Variants in ITSN2 observed in about 807,000 individuals in gnomAD.
ITSN2 encodes the protein intersectin 2, also known as intersectin-2.
In ITSN2, 156 loss-of-function variants were observed where a neutral mutation model predicts 243.7. That is an observed-to-expected ratio of 0.64 (90% confidence interval 0.56 to 0.73). The LOEUF (loss-of-function observed/expected upper bound fraction) is 0.73. ITSN2 is among the 30% of genes least tolerant of loss of function. ITSN2 has a pLI of 0.00. For synonymous variants in ITSN2, 703 were observed against 699.9 expected, an observed-to-expected ratio of 1.00 and a Z score of -0.07; for missense variants, 1,801 against 1,996.1, an observed-to-expected ratio of 0.90 and a Z score of 1.86.
At chr2:24,350,874 T>C (rs1379958992) in intron 1 of ITSN2, among the ~76,000 whole-genome samples, 2 of 152,154 alleles carry the variant, frequency 1.3e-5, no homozygotes, top group African/African-American at 4.8e-5. Flanking sequence ...TGACTGCCAT[T>C]GGGTATAGGA....
At chr2:24,262,707 A>G (rs1676063364) in intron 20 of ITSN2, among the ~76,000 whole-genome samples, 2 of 152,208 alleles carry the variant, frequency 1.3e-5, no homozygotes, top group African/African-American at 2.4e-5. Context: ...CTATGATCTC[A>G]GTGCTGACTT....
intron 18 of ITSN2, among the ~76,000 whole-genome samples, chr2:24,274,030 A>ATTTTATATAT (rs1677705847): frequency 1.3e-5 from 2 of 152,246 alleles, no homozygotes; most frequent in African/African-American, 2.4e-5. Context: ...AATTAAACGC[A>ATTTTATATAT]TATAACTAGT....
At position 24,258,041 on chromosome 2, in the gene ITSN2, T is replaced by C. The variant is rs1675289261; in HGVS notation, c.2735A>G (p.Lys912Arg). The C allele has an allele frequency of 1.2e-6, 2 of 1,614,026 alleles. No homozygotes were observed. Among genetic ancestry groups the C allele is most frequent in the Admixed American group, 1.7e-5 (1 of 60,006 alleles). ...TGAGAAGTTCAAGTGGTTATCTTTC[T>C]TTGCAGTCCAGGAACAAAGGGCCTG... The part of the protein sequence containing the change: ...KAQALCSWTA[K>R]KDNHLNFSKH... Residue 912 changes from lysine to arginine, a missense_variant, in exon 23 of 40, where the codon AAG becomes AGG. Coordinates refer to ENST00000355123, the MANE Select transcript of ITSN2 (RefSeq NM_006277.3).
chr2:24,308,479 T>A (rs1452493617), intron 8 of ITSN2, 138 bp downstream of exon 8: 3 of 491,526 alleles, frequency 6.1e-6, no homozygotes, highest in Non-Finnish European at 7.0e-6. Flanking sequence ...GGTATTTGTA[T>A]TTATCAAATG....
In ITSN2 at chr2:24,309,164, G is replaced by A. The variant is rs181450552; in HGVS notation, c.654-408C>T. Among the ~76,000 whole-genome samples the A allele has an allele frequency of 1.6e-4, 25 of 152,294 alleles. No homozygotes were observed. In the East Asian group the frequency reaches 3.1e-3, roughly 19 times the overall value. The stretch of plus-strand genomic sequence containing the variant: ...CCTGGTACCAAAAAGGTTGAGGATC[G>A]CTGTTACATACTATAATGGTGACTG... On this transcript the variant is annotated intron_variant, in intron 7 of 39. Transcript: ENST00000355123.
chr2:24,263,684 A>G (rs1179514995), intron 20 of ITSN2, among the ~76,000 whole-genome samples: 3 of 152,240 alleles, frequency 2.0e-5, no homozygotes, highest in African/African-American at 7.2e-5. Context: ...TACTATATGT[A>G]TCCTTTTTGT....
chr2:24,269,890 C>T (rs2151448644), intron 20 of ITSN2, among the ~76,000 whole-genome samples: 1 of 152,298 alleles, frequency 6.6e-6, no homozygotes, highest in East Asian at 1.9e-4. Flanking sequence ...GGTTGTAGAA[C>T]AAACCTCTCC....
rs771201742 is a variant in ITSN2 at position 24,248,693 on chromosome 2, G to A, written c.3224C>T (p.Ala1075Val). ...VASGSEQLSL[A>V]PGQLILILKK... ...TAGAATTAATATTAACTGTCCTGGT[G>A]CAAGGCTAAGTTGTTCAGAACCAGA... Residue 1075 changes from alanine to valine, a missense_variant, in exon 27 of 40, where the codon GCA (alanine) becomes GTA (valine). Physicochemically the swap from Ala to Val is moderately conservative, Grantham distance 64 (BLOSUM62 0). Around this residue, in one of 5 missense-constraint regions of ITSN2, gnomAD observed 928 missense variants for 1,065.4 expected, o/e 0.87. Transcript: ENST00000355123. The A allele has an allele frequency of 3.7e-6, 6 of 1,612,880 alleles. No individual in the cohort carries two copies. In the South Asian group the frequency reaches 5.5e-5, roughly 15 times the overall value.
Position 24,337,327 on chromosome 2 carries a change from T to TACAC in ITSN2, c.-33-9213_-33-9212insGTGT, listed in dbSNP as rs1160206721. On this transcript the variant is annotated intron_variant, in intron 1 of 39. Transcript: ENST00000355123. ...TGTGTATACACAAAATATATATATA[T>TACAC]ATATATATATATATATATATATATA... Among the ~76,000 whole-genome samples, 83 of 97,378 alleles carry TACAC rather than the reference T, an allele frequency of 8.5e-4. 6 individuals are homozygous for TACAC. The highest frequency in any genetic ancestry group is 3.3e-3 in the African/African-American group (78 of 23,938). 63.9% of individuals were successfully genotyped at this position (97,378 alleles called of 152,430 possible).
intron 1 of ITSN2, among the ~76,000 whole-genome samples, chr2:24,356,202 CA>C (rs70944742): frequency 8.0e-5 from 11 of 138,346 alleles, no homozygotes; most frequent in Non-Finnish European, 1.1e-4. Flanking sequence ...GACTCCATCT[CA>C]AAAAAAAAAA....
At position 24,230,912 on chromosome 2, in the gene ITSN2, T is replaced by C. The variant is rs189988697; in HGVS notation, c.3578-9846A>G. ...AGGTCACACCCAGACCCTCGCTTCC[T>C]CCTTCTCTCCTGCTCTTCCCTCTTC... On this transcript the variant is annotated intron_variant, in intron 29 of 39. Transcript: ENST00000355123. Among the ~76,000 whole-genome samples, 963 of 152,226 alleles carry C rather than the reference T, an allele frequency of 6.3e-3. 19 individuals carry two copies. Among genetic ancestry groups the C allele is most frequent in the Admixed American group, 0.025 (381 of 15,284 alleles).
intron 8 of ITSN2, among the ~76,000 whole-genome samples, chr2:24,307,715 G>A (rs1426958821): frequency 6.6e-6 from 1 of 152,102 alleles, no homozygotes; most frequent in Non-Finnish European, 1.5e-5. Context: ...CTTACTGCTC[G>A]TTCCCTTGCC....
chr2:24,260,639 G>A (rs995993393), intron 22 of ITSN2, among the ~76,000 whole-genome samples: 8 of 152,088 alleles, frequency 5.3e-5, no homozygotes, highest in African/African-American at 1.4e-4. Flanking sequence ...CGGGCGCAGT[G>A]GCTCACGCCT....
At chr2:24,303,654 C>T (rs1271922859) in intron 9 of ITSN2, 145 bp downstream of exon 9, 3 of 630,522 alleles carry the variant, frequency 4.8e-6, no homozygotes, top group South Asian at 2.0e-5. Flanking sequence ...AAGCTTAATA[C>T]TAACTTTCAA....
At chr2:24,345,924 A>G (rs1687481175) in intron 1 of ITSN2, among the ~76,000 whole-genome samples, 1 of 152,172 alleles carries the variant, frequency 6.6e-6, no homozygotes, top group Admixed American at 6.5e-5. Flanking sequence ...AAATTGTCCT[A>G]TATTTTATTC....
rs558717920 is a variant in ITSN2 at position 24,291,738 on chromosome 2, T to G, written c.1723+1950A>C. The stretch of plus-strand genomic sequence containing the variant: ...CTCTTGACCTCGTGATCCGCCTGCC[T>G]TGGCCTCCCAAAGTGCTAGGATTGC... On this transcript the variant is annotated intron_variant, in intron 15 of 39. Transcript: ENST00000355123. 5.3e-5 allele frequency among the ~76,000 whole-genome samples: 8 copies of G among 152,318 alleles called. No homozygotes were observed. The South Asian group carries it at 1.4e-3, about 28-fold the overall frequency.
In ITSN2 at chr2:24,310,554, G is replaced by T. The variant is rs1482099760; in HGVS notation, c.491C>A (p.Thr164Lys). 1 of 1,614,044 alleles carries T rather than the reference G, an allele frequency of 6.2e-7. No homozygotes were observed. The highest frequency in any genetic ancestry group is 2.2e-5 in the East Asian group (1 of 44,898). ...MPTPLVPSVS[T>K]SSLPNGTASL... The stretch of plus-strand genomic sequence containing the variant: ...GGCGGTTCCATTTGGTAATGATGAT[G>T]TGCTAACAGAAGGCACTAGGGGAGT... Residue 164 changes from threonine (T) to lysine (K), a missense_variant, in exon 6 of 40, where the codon ACA becomes AAA. By Grantham distance (78) the Thr-to-Lys change is moderately conservative (BLOSUM62 -1). Around this residue, in one of 5 missense-constraint regions of ITSN2, gnomAD observed 787 missense variants for 803.9 expected, o/e 0.98. Transcript: ENST00000355123.
intron 32 of ITSN2, among the ~76,000 whole-genome samples, chr2:24,213,659 T>G (rs1334928559): frequency 6.6e-6 from 1 of 152,254 alleles, no homozygotes; most frequent in Admixed American, 6.5e-5. Flanking sequence ...GAGGCAGTAT[T>G]TTTATTTATT....
chr2:24,244,112 T>A (rs771745487), intron 29 of ITSN2, among the ~76,000 whole-genome samples: 8 of 152,244 alleles, frequency 5.3e-5, no homozygotes, highest in Non-Finnish European at 1.5e-5. Flanking sequence ...GCATGACAAA[T>A]GTGTCCTTGA....
Sources: gnomAD v4.1 joint callset for allele counts (sites outside exome capture counted in the v4.1 genomes callset) on GRCh38, gnomAD v4.1.1 for gene constraint, gnomAD v4.1.1 regional missense constraint, MANE v1.5 for transcripts, NCBI Gene and HGNC (gene_info 2026-07-23, HGNC 2026-07-21) for gene names.